Variants in DOCK6 observed in about 807,000 individuals in gnomAD.
The protein encoded by DOCK6 is dedicator of cytokinesis protein 6.
In DOCK6, 167 loss-of-function variants were observed where a neutral mutation model predicts 230.3. The ratio of observed to expected loss-of-function variants is 0.73; its 90% CI spans 0.64 to 0.82. The LOEUF (loss-of-function observed/expected upper bound fraction) is 0.82, where lower values mean the gene tolerates loss of function less well. DOCK6 is among the 40% of genes least tolerant of loss of function. DOCK6 has a pLI of 0.00. For missense variants in DOCK6, 2,598 were observed against 2,825.8 expected (o/e 0.92, Z 1.83); for synonymous variants, 1,148 against 1,185.0 (o/e 0.97, Z 0.64).
intron 1 of DOCK6, among the ~76,000 whole-genome samples, chr19:11,255,220 G>C (rs1207119515): frequency 6.6e-6 from 1 of 151,910 alleles, no homozygotes; most frequent in Non-Finnish European, 1.5e-5. Flanking sequence ...GGCCAGGCTG[G>C]TCTCAAACTC....
At chr19:11,258,016 A>G (rs780029391) in intron 1 of DOCK6, among the ~76,000 whole-genome samples, 1 of 152,198 alleles carries the variant, frequency 6.6e-6, no homozygotes, top group Non-Finnish European at 1.5e-5. Context: ...CCAATCCAGC[A>G]ATTCTACTCC....
In DOCK6 at chr19:11,213,214, G is replaced by A. The variant is rs2079422323; in HGVS notation, c.4453C>T (p.Leu1485=). 1.2e-6 allele frequency: 2 copies of A among 1,613,186 alleles called. No individual in the cohort carries two copies. Among genetic ancestry groups the A allele is most frequent in the Non-Finnish European group, 1.7e-6 (2 of 1,179,826 alleles). Residue 1485 remains leucine (L), a synonymous_variant, in exon 35 of 48, where the codon CTG becomes TTG. Transcript: ENST00000294618. ...STIRTHASAS[L]YLLMRQNFEI... Reference sequence around the variant, plus strand: ...AAGTTCTGTCGCATGAGCAGGTACAGCGAGGCGCTGGCGTGCGTGCGGATG... The same window carrying A: ...AAGTTCTGTCGCATGAGCAGGTACAACGAGGCGCTGGCGTGCGTGCGGATG...
chr19:11,221,816 G>A, intron 28 of DOCK6, 35 bp downstream of exon 28: 3 of 1,613,312 alleles, frequency 1.9e-6, no homozygotes, highest in Non-Finnish European at 2.5e-6. Context: ...CAAGTCCCTG[G>A]ATCATGTGAC....
At position 11,217,041 on chromosome 19, in the gene DOCK6, C is replaced by A. The variant is rs1384082851; in HGVS notation, c.3767G>T (p.Cys1256Phe). Residue 1256 changes from cysteine to phenylalanine, a missense_variant, in exon 30 of 48, where the codon TGT (cysteine) becomes TTT (phenylalanine). Coordinates refer to ENST00000294618, the MANE Select transcript of DOCK6 (RefSeq NM_020812.4). Reference protein sequence around the residue: ...SAESSRTLLACVLWVLKNTEP... With the variant: ...SAESSRTLLAFVLWVLKNTEP... ...GGTGTTTTTCAGCACCCACAGCACACACGCCAGCAAGGTCCGGCTTGACTC... is the reference window on the plus strand; with the variant it reads ...GGTGTTTTTCAGCACCCACAGCACAAACGCCAGCAAGGTCCGGCTTGACTC... 1 of 1,613,628 alleles carries A rather than the reference C, an allele frequency of 6.2e-7. No homozygotes were observed. The highest frequency in any genetic ancestry group is 8.5e-7 in the Non-Finnish European group (1 of 1,179,890).
intron 24 of DOCK6, among the ~76,000 whole-genome samples, chr19:11,225,973 G>A (rs1243532347): frequency 6.6e-6 from 1 of 151,834 alleles, no homozygotes; most frequent in African/African-American, 2.4e-5. Context: ...AGCCCAGGAG[G>A]TCAAGGCTGC....
chr19:11,209,285 C>A (rs1488184693), intron 37 of DOCK6, among the ~76,000 whole-genome samples, 182 bp from the exon 38 acceptor site: 1 of 151,826 alleles, frequency 6.6e-6, no homozygotes, highest in African/African-American at 2.4e-5. Flanking sequence ...TCTATCTCCC[C>A]ACCTGTCTTC....
At chr19:11,212,230 A>G in intron 35 of DOCK6, 79 bp from the exon 36 acceptor site, 1 of 1,506,022 alleles carries the variant, frequency 6.6e-7, no homozygotes, top group Non-Finnish European at 8.9e-7. Context: ...CAACCTGCCG[A>G]CATGGCCCTT....
rs764127518 is a variant in DOCK6 at position 11,221,852 on chromosome 19, A to G, written c.3549T>C (p.Ala1183=). The change falls in exon 28 of 48, where the codon GCT becomes GCC. Residue 1183 remains alanine, a splice_region_variant and synonymous_variant. Coordinates refer to ENST00000294618, the MANE Select transcript of DOCK6 (RefSeq NM_020812.4). ...CCCATCTTCCCCTGGCCCACTGACC[A>G]GCAAAGTCATGCAGCCGTGGCAAGG... is the stretch of plus-strand genomic sequence containing the variant. ...RDTLPRLHDF[A]EGPGQRSRLA... 6.2e-7 allele frequency: 1 copy of G among 1,613,616 alleles called. No individual in the cohort carries two copies. Among genetic ancestry groups the G allele is most frequent in the East Asian group, 2.2e-5 (1 of 44,902 alleles).
chr19:11,227,181 C>A (rs2079678761), intron 24 of DOCK6, among the ~76,000 whole-genome samples, 156 bp downstream of exon 24: 1 of 152,224 alleles, frequency 6.6e-6, no homozygotes, highest in Non-Finnish European at 1.5e-5. Flanking sequence ...ACGTTACAGG[C>A]ACTTAAGAAA....
At chr19:11,210,910 C>T (rs575786435) in intron 37 of DOCK6, among the ~76,000 whole-genome samples, 81 of 152,068 alleles carry the variant, frequency 5.3e-4, no homozygotes, top group African/African-American at 1.9e-3. Flanking sequence ...CCTGTCCATC[C>T]CCTCACCTGT....
At position 11,200,528 on chromosome 19, in the gene DOCK6, TA is replaced by T. The variant is rs3214470; in HGVS notation, c.5940-60del. ...TCGCACACGGGACTGAAAGCAAGAC[TA>T]GGGGTGGGGGCACCCATAAGGCGGG... is the stretch of plus-strand genomic sequence containing the variant. On this transcript the variant is annotated intron_variant, in intron 46 of 47. Coordinates refer to ENST00000294618, the MANE Select transcript of DOCK6 (RefSeq NM_020812.4). This position sits in a 1 kb window ranked among gnomAD's most constrained non-coding sequence, Gnocchi z 4.3. 5.4e-3 allele frequency: 8,447 copies of T among 1,577,374 alleles called. 567 individuals carry two copies. In the East Asian group the frequency reaches 0.16, roughly 29 times the overall value.
rs762066590 is a variant in DOCK6 at position 11,235,279 on chromosome 19, G to GT, written c.2554+318dup. ...CTACCACCATGCCTGGCTAATTTTT[G>GT]TATTTTTAGTAGAGACGGGGTTTCA... On this transcript the variant is annotated intron_variant, in intron 21 of 47. Transcript: ENST00000294618. Among the ~76,000 whole-genome samples, 35 of 152,174 alleles carry GT rather than the reference G, an allele frequency of 2.3e-4. 1 individual carries two copies. Among genetic ancestry groups the GT allele is most frequent in the South Asian group, 6.2e-4 (3 of 4,806 alleles).
chr19:11,210,308 C>A (rs1568673424), intron 37 of DOCK6, among the ~76,000 whole-genome samples: 1 of 150,302 alleles, frequency 6.7e-6, no homozygotes, highest in Non-Finnish European at 1.5e-5. Context: ...CCACCCCTCA[C>A]CTGTTCATCT....
rs901869847 is a variant in DOCK6 at position 11,208,532 on chromosome 19, G to A, written c.5088+154C>T. The A allele has an allele frequency of 4.9e-5, 53 of 1,078,822 alleles. No homozygotes were observed. The Admixed American group carries it at 1.0e-3, about 20-fold the overall frequency. The allele number at this position is 1,078,822 out of a possible 1,614,324, so 66.8% of individuals were successfully genotyped here. ...CTGGCCTCATGACCTGCCTGCCTCC[G>A]CCTCCCAAAGTGCTGGGGTTACAGG... On this transcript the variant is annotated intron_variant, in intron 39 of 47. Coordinates refer to ENST00000294618, the MANE Select transcript of DOCK6 (RefSeq NM_020812.4).
At chr19:11,242,256 A>T in intron 13 of DOCK6, 49 bp from the exon 14 acceptor site, 1 of 1,398,350 alleles carries the variant, frequency 7.2e-7, no homozygotes, top group Non-Finnish European at 9.3e-7. Flanking sequence ...CTCCTGGCTC[A>T]GCCCACCCTT....
chr19:11,252,848 A>G lies in DOCK6; in HGVS notation c.243T>C (p.Asp81=), dbSNP rs2080140000. Residue 81 remains aspartate (D), a synonymous_variant, in exon 3 of 48, where the codon GAT becomes GAC. Coordinates refer to ENST00000294618, the MANE Select transcript of DOCK6 (RefSeq NM_020812.4). The part of the protein sequence containing the change: ...PLRDLVEFPA[D]DLELLLQPRE... Reference sequence around the variant, plus strand: ...GGGGCTGCAGCAGCAGCTCCAAGTCATCAGCTGGGAATTCTACCAGGTCCC... The same window carrying G: ...GGGGCTGCAGCAGCAGCTCCAAGTCGTCAGCTGGGAATTCTACCAGGTCCC... 2 of 1,613,680 alleles carry G rather than the reference A, an allele frequency of 1.2e-6. No individual in the cohort carries two copies. Among genetic ancestry groups the G allele is most frequent in the East Asian group, 2.2e-5 (1 of 44,882 alleles).
In DOCK6 at chr19:11,236,747, A is replaced by T; in HGVS notation, c.2160+46T>A. On this transcript the variant is annotated intron_variant, in intron 19 of 47. Coordinates refer to ENST00000294618, the MANE Select transcript of DOCK6 (RefSeq NM_020812.4). This position sits in a 1 kb window ranked among gnomAD's most constrained non-coding sequence, Gnocchi z 5.2. The stretch of plus-strand genomic sequence containing the variant: ...ACTGTTACTCAATCGTAGGGCAGGC[A>T]AGAGGGGAGCAGGGCGGGACTCTTG... 6.5e-7 allele frequency: 1 copy of T among 1,548,868 alleles called. No homozygotes were observed. Among genetic ancestry groups the T allele is most frequent in the Non-Finnish European group, 8.7e-7 (1 of 1,145,010 alleles).
intron 41 of DOCK6, chr19:11,203,757 AAAGAGACC>A (rs1161530281): frequency 8.4e-6 from 4 of 474,998 alleles, no homozygotes; most frequent in African/African-American, 8.0e-5. Flanking sequence ...GAGAGATGAG[AAAGAGACC>A]AAGAGACCAT....
chr19:11,212,234 G>A, intron 35 of DOCK6, 83 bp from the exon 36 acceptor site: 1 of 1,478,836 alleles, frequency 6.8e-7, no homozygotes, highest in South Asian at 1.3e-5. Context: ...CTGCCGACAT[G>A]GCCCTTGCGT....
Sources: gnomAD v4.1 joint callset for allele counts (sites outside exome capture counted in the v4.1 genomes callset) on GRCh38, gnomAD v4.1.1 for gene constraint, Gnocchi (gnomAD v3.1) non-coding constraint, MANE v1.5 for transcripts, NCBI Gene and HGNC (gene_info 2026-07-23, HGNC 2026-07-21) for gene names.